STAT4: variants seen among roughly 807,000 people sequenced by gnomAD.
STAT4 encodes the protein signal transducer and activator of transcription 4.
STAT4 carries 42 observed loss-of-function variants against 110.5 expected under a neutral mutation model. The observed-to-expected ratio is 0.38, with a 90% CI of 0.30 to 0.49. STAT4 has a LOEUF of 0.49. Ranked by LOEUF, STAT4 falls within the 20% of genes least tolerant of loss-of-function variation. STAT4 has a pLI of 0.95. For missense variants in STAT4, 632 were observed against 887.9 expected, an observed-to-expected ratio of 0.71 and a Z score of 3.66; for synonymous variants, 284 against 302.2, an observed-to-expected ratio of 0.94 and a Z score of 0.63.
At chr2:191,074,557 T>C (rs1013079546) in intron 4 of STAT4, among the ~76,000 whole-genome samples, 2 of 152,174 alleles carry the variant, frequency 1.3e-5, no homozygotes, top group Middle Eastern at 3.4e-3. Flanking sequence ...ATATCTGACA[T>C]TGGAAGAGAA....
intron 3 of STAT4, chr2:191,131,782 T>C: frequency 7.5e-7 from 1 of 1,324,814 alleles, no homozygotes; most frequent in Non-Finnish European, 9.7e-7. Context: ...TTTCCTCAAT[T>C]AGTATCATCT....
In STAT4 at chr2:191,031,167, A is replaced by C. The variant is rs544315509; in HGVS notation, c.2112-87T>G. ...CTTACTATGTCAGGAACTCATTTCT[A>C]GGGCTTCATCTATTTGTGACATTGA... On this transcript the variant is annotated intron_variant, in intron 22 of 23. Coordinates refer to ENST00000392320, the MANE Select transcript of STAT4 (RefSeq NM_003151.4). The surrounding 1 kb of genome is among the most constrained non-coding windows in gnomAD (Gnocchi z 4.8). 3.6e-4 allele frequency: 487 copies of C among 1,345,470 alleles called. 7 individuals are homozygous for C. In the South Asian group the frequency reaches 3.8e-3, roughly 11 times the overall value. 83.3% of individuals were successfully genotyped at this position (1,345,470 alleles called of 1,614,324 possible). A position where few individuals can be genotyped will look rare whatever the true frequency, so the allele number is the denominator to read the frequency against.
At position 191,138,177 on chromosome 2, in the gene STAT4, C is replaced by G. The variant is rs866515042; in HGVS notation, c.273+8436G>C. ...TATTCAACAGTAAAAACCAAATAAT[C>G]CCATTAAAAAGTGGGCAAAAATATG... On this transcript the variant is annotated intron_variant, in intron 3 of 23. Transcript: ENST00000392320. The surrounding 1 kb of genome is among the most constrained non-coding windows in gnomAD (Gnocchi z 4.3). Among the ~76,000 whole-genome samples, 1 of 151,828 alleles carries G rather than the reference C, an allele frequency of 6.6e-6. No individual in the cohort carries two copies. Among genetic ancestry groups the G allele is most frequent in the African/African-American group, 2.4e-5 (1 of 41,336 alleles).
At position 191,046,936 on chromosome 2, in the gene STAT4, G is replaced by A. The variant is rs1696369251; in HGVS notation, c.1252-5788C>T. On this transcript the variant is annotated intron_variant, in intron 14 of 23. Coordinates refer to ENST00000392320, the MANE Select transcript of STAT4 (RefSeq NM_003151.4). This position sits in a 1 kb window ranked among gnomAD's most constrained non-coding sequence, Gnocchi z 4.6. ...TTGGTGGGCTTCTAAATAGCCTCAG[G>A]ATGAGAGTTGGTTGCTAGGGGAACC... Among the ~76,000 whole-genome samples, 1 of 151,924 alleles carries A rather than the reference G, an allele frequency of 6.6e-6. No individual in the cohort carries two copies. The highest frequency in any genetic ancestry group is 2.1e-4 in the South Asian group (1 of 4,786).
chr2:191,064,990 T>G, intron 7 of STAT4, 32 bp from the exon 8 acceptor site: 1 of 1,497,778 alleles, frequency 6.7e-7, no homozygotes, highest in African/African-American at 1.4e-5. Flanking sequence ...GAAGAGAGTT[T>G]CATAAGAAAT....
chr2:191,151,119 G>C (rs1187245451), upstream of STAT4: 1 of 985,196 alleles, frequency 1.0e-6, no homozygotes, highest in Non-Finnish European at 1.2e-6. The surrounding 1 kb of genome is among the most constrained non-coding windows in gnomAD (Gnocchi z 4.7). Context: ...ACTTTACTTG[G>C]GTCAGTTCCC....
intron 3 of STAT4, among the ~76,000 whole-genome samples, chr2:191,118,722 T>C (rs1698636946): frequency 6.6e-6 from 1 of 152,186 alleles, no homozygotes; most frequent in South Asian, 2.1e-4. Context: ...AGGATAATTA[T>C]CTAGAAATGG....
In STAT4 at chr2:191,051,754, C is replaced by A. The variant is rs149130082; in HGVS notation, c.1251+2736G>T. On this transcript the variant is annotated intron_variant, in intron 14 of 23. Transcript: ENST00000392320. The surrounding 1 kb of genome is among the most constrained non-coding windows in gnomAD (Gnocchi z 5.6). ...CAGGGAAGGTTCTGCGACCCAGAGG[C>A]AGCATAGCAGAGGGGCCAGGAGCAG... is the stretch of plus-strand genomic sequence containing the variant. Among the ~76,000 whole-genome samples, 2 of 152,258 alleles carry A rather than the reference C, an allele frequency of 1.3e-5. No individual in the cohort carries two copies. The highest frequency in any genetic ancestry group is 2.9e-5 in the Non-Finnish European group (2 of 68,024).
intron 3 of STAT4, among the ~76,000 whole-genome samples, chr2:191,084,953 A>G (rs1192650397): frequency 6.6e-6 from 1 of 151,964 alleles, no homozygotes; most frequent in African/African-American, 2.4e-5. Context: ...TAGCATTAAT[A>G]ATATACTATA....
Position 191,033,957 on chromosome 2 carries a change from T to C in STAT4, c.1669A>G (p.Ile557Val). The stretch of plus-strand genomic sequence containing the variant: ...ATGTGTTTCTTAATTAGATCCAATA[T>C]TGCTTCAAGCCATGTCCAAAAGGTA... ...SFTFWTWLEA[I>V]LDLIKKHILP... The change falls in exon 19 of 24, where the codon ATA becomes GTA. Residue 557 changes from isoleucine to valine, a missense_variant. Ile to Val is a conservative substitution (Grantham distance 29). This residue lies in a region of STAT4 where 74 missense variants were observed against 154.3 expected (regional missense o/e 0.48). Coordinates refer to ENST00000392320, the MANE Select transcript of STAT4 (RefSeq NM_003151.4). The surrounding 1 kb of genome is among the most constrained non-coding windows in gnomAD (Gnocchi z 6.9). 1.2e-6 allele frequency: 2 copies of C among 1,612,914 alleles called. No individual in the cohort carries two copies. Among genetic ancestry groups the C allele is most frequent in the East Asian group, 2.2e-5 (1 of 44,748 alleles).
chr2:191,148,047 A>G (rs991220131), intron 2 of STAT4, 29 bp downstream of exon 2: 3 of 1,612,658 alleles, frequency 1.9e-6, no homozygotes, highest in Non-Finnish European at 2.5e-6. Flanking sequence ...TTGTGCATCA[A>G]CTTCTAGGGA....
chr2:191,033,339 C>T lies in STAT4; in HGVS notation c.1852+151G>A, dbSNP rs757290479. 16 of 1,140,836 alleles carry T rather than the reference C, an allele frequency of 1.4e-5. No homozygotes were observed. The highest frequency in any genetic ancestry group is 2.0e-5 in the Non-Finnish European group (16 of 817,534). 70.7% of individuals were successfully genotyped at this position (1,140,836 alleles called of 1,614,324 possible). A position where few individuals can be genotyped will look rare whatever the true frequency, so the allele number is the denominator to read the frequency against. ...TAGACTTTTTGGAATTCATAGGTAC[C>T]CTGTTCTGAGACAACTGCAACTACT... On this transcript the variant is annotated intron_variant, in intron 20 of 23. Transcript: ENST00000392320. The surrounding 1 kb of genome is among the most constrained non-coding windows in gnomAD (Gnocchi z 6.9).
At chr2:191,054,341 T>A in intron 14 of STAT4, 149 bp downstream of exon 14, 1 of 634,730 alleles carries the variant, frequency 1.6e-6, no homozygotes, top group Non-Finnish European at 2.6e-6. Flanking sequence ...AACTTCCTCA[T>A]ATTGTCTGCA....
chr2:191,076,860 G>T (rs1027171935), intron 3 of STAT4, among the ~76,000 whole-genome samples: 1 of 151,846 alleles, frequency 6.6e-6, no homozygotes, highest in African/African-American at 2.4e-5. Flanking sequence ...GGTCAGGCTG[G>T]TCTCGAACTC....
chr2:191,031,309 G>C lies in STAT4; in HGVS notation c.2111+141C>G. Reference sequence around the variant, plus strand: ...AGATTGTGGTAAGTGTGCCCTGAAGGCTAGCCTTATGTATTAAAGGAAATG... The same window carrying C: ...AGATTGTGGTAAGTGTGCCCTGAAGCCTAGCCTTATGTATTAAAGGAAATG... On this transcript the variant is annotated intron_variant, in intron 22 of 23. Coordinates refer to ENST00000392320, the MANE Select transcript of STAT4 (RefSeq NM_003151.4). This position sits in a 1 kb window ranked among gnomAD's most constrained non-coding sequence, Gnocchi z 4.8. The C allele has an allele frequency of 1.0e-6, 1 of 992,754 alleles. No individual in the cohort carries two copies. The highest frequency in any genetic ancestry group is 1.7e-5 in the South Asian group (1 of 58,580). The allele number at this position is 992,754 out of a possible 1,614,324, so 61.5% of individuals were successfully genotyped here.
rs947630240 is a variant in STAT4, at chr2:191,032,451, G to A, written c.2044+507C>T. On this transcript the variant is annotated intron_variant, in intron 21 of 23. Coordinates refer to ENST00000392320, the MANE Select transcript of STAT4 (RefSeq NM_003151.4). This position sits in a 1 kb window ranked among gnomAD's most constrained non-coding sequence, Gnocchi z 4.9. ...AGGTAGGCTGGGAGTGTGGGGGAGG[G>A]AGAGGATGAAGCAGAGATCCACAGG... 2.6e-5 allele frequency: 4 copies of A among 152,430 alleles called. No individual in the cohort carries two copies. The highest frequency in any genetic ancestry group is 4.4e-5 in the Non-Finnish European group (3 of 68,266). The allele number at this position is 152,430 out of a possible 1,614,324, so 9.4% of individuals were successfully genotyped here. A position where few individuals can be genotyped will look rare whatever the true frequency, so the allele number is the denominator to read the frequency against.
intron 14 of STAT4, among the ~76,000 whole-genome samples, chr2:191,052,116 A>G (rs1320852943): frequency 2.0e-5 from 3 of 152,194 alleles, no homozygotes; most frequent in East Asian, 1.9e-4. Flanking sequence ...TTGTGACCAC[A>G]ATCCCTGGCC....
In STAT4 at chr2:191,075,079, G is replaced by A. The variant is rs1277163622; in HGVS notation, c.372+1148C>T. On this transcript the variant is annotated intron_variant, in intron 4 of 23. Transcript: ENST00000392320. ...GGAGGCTGAGGCAGGAGAATTGCTT[G>A]AACCTGGGAGGCAGAGGCTGCAGTG... 2.0e-5 allele frequency among the ~76,000 whole-genome samples: 3 copies of A among 152,050 alleles called. 1 individual carries two copies. The highest frequency in any genetic ancestry group is 2.0e-4 in the Admixed American group (3 of 15,266).
rs551662489 is a variant in STAT4, at chr2:191,094,241, C to T, written c.274-17916G>A. On this transcript the variant is annotated intron_variant, in intron 3 of 23. Coordinates refer to ENST00000392320, the MANE Select transcript of STAT4 (RefSeq NM_003151.4). Reference sequence around the variant, plus strand: ...TAAAATTCAGGAAATACAGAGAACGCCACAAAGATACTCCTTGAGAAGACC... The same window carrying T: ...TAAAATTCAGGAAATACAGAGAACGTCACAAAGATACTCCTTGAGAAGACC... 2.0e-5 allele frequency among the ~76,000 whole-genome samples: 3 copies of T among 152,204 alleles called. No individual in the cohort carries two copies. The East Asian group carries it at 5.8e-4, about 29-fold the overall frequency.
Sources: allele counts gnomAD v4.1 joint callset (sites outside exome capture counted in the v4.1 genomes callset), GRCh38; gene constraint gnomAD v4.1.1; regional missense constraint gnomAD v4.1.1; non-coding constraint Gnocchi (gnomAD v3.1); transcripts MANE v1.5; gene names NCBI Gene and HGNC (gene_info 2026-07-23, HGNC 2026-07-21).